ZNF536: variants seen among roughly 807,000 people sequenced by gnomAD.
ZNF536 encodes the protein zinc finger protein 536.
In ZNF536, 13 loss-of-function variants were observed where a neutral mutation model predicts 84.5. That is an observed-to-expected ratio of 0.15 (90% CI 0.10 to 0.24). ZNF536 has a LOEUF of 0.24. ZNF536 is among the 10% of genes least tolerant of loss of function. The probability of loss-of-function intolerance (pLI) is 1.00; values close to 1 mark genes in which losing one functional copy is unlikely to be tolerated. For synonymous variants in ZNF536, 811 were observed against 742.5 expected, an observed-to-expected ratio of 1.09 and a Z score of -1.50; for missense variants, 1,536 against 1,747.5, an observed-to-expected ratio of 0.88 and a Z score of 2.16.
chr19:30,604,451 A>G (rs568799695), intron 1 of ZNF536, among the ~76,000 whole-genome samples: 89 of 152,308 alleles, frequency 5.8e-4, no homozygotes, highest in African/African-American at 2.1e-3. Context: ...TGTTTATAAT[A>G]TGTTTTCATT....
intron 2 of ZNF536, among the ~76,000 whole-genome samples, chr19:30,316,000 C>A (rs2046666168): frequency 6.6e-6 from 1 of 152,148 alleles, no homozygotes; most frequent in Non-Finnish European, 1.5e-5. Context: ...TGTGGTATGG[C>A]ATATTCATAT....
At chr19:30,522,798 T>A (rs1442463290) in intron 2 of ZNF536, among the ~76,000 whole-genome samples, 1 of 152,206 alleles carries the variant, frequency 6.6e-6, no homozygotes, top group African/African-American at 2.4e-5. Flanking sequence ...TCAATTATCT[T>A]AAGGATTTGT....
At chr19:30,538,288 C>T (rs2045175719) in intron 3 of ZNF536, among the ~76,000 whole-genome samples, 1 of 152,104 alleles carries the variant, frequency 6.6e-6, no homozygotes, top group Non-Finnish European at 1.5e-5. Context: ...GTTTTTAAAC[C>T]ATGGACCCAT....
At chr19:30,264,966 T>TGAGAGAGA (rs142750589) in intron 1 of ZNF536, among the ~76,000 whole-genome samples, 1,675 of 133,638 alleles carry the variant, frequency 0.013, 35 homozygotes, top group African/African-American at 0.035. Context: ...TGTGTGTGTG[T>TGAGAGAGA]GAGAGAGAGA....
intron 1 of ZNF536, among the ~76,000 whole-genome samples, chr19:30,681,838 C>T (rs1012005104): frequency 1.3e-5 from 2 of 152,152 alleles, no homozygotes; most frequent in East Asian, 1.9e-4. Flanking sequence ...ATCTCCGCCA[C>T]GCTGGAGAGA....
intron 1 of ZNF536, among the ~76,000 whole-genome samples, chr19:30,376,772 C>T (rs1452761623): frequency 6.6e-6 from 1 of 152,224 alleles, no homozygotes; most frequent in Non-Finnish European, 1.5e-5. Flanking sequence ...CATTCAGTCA[C>T]TCACATTGTC....
intron 2 of ZNF536, among the ~76,000 whole-genome samples, chr19:30,301,894 C>CA (rs2046197885): frequency 6.6e-6 from 1 of 151,184 alleles, no homozygotes; most frequent in Non-Finnish European, 1.5e-5. Flanking sequence ...AGGTCCCTGC[C>CA]AGGTGCCGAT....
chr19:30,226,848 C>G (rs2022642216), upstream of ZNF536, among the ~76,000 whole-genome samples: 1 of 151,890 alleles, frequency 6.6e-6, no homozygotes, highest in South Asian at 2.1e-4. This position sits in a 1 kb window ranked among gnomAD's most constrained non-coding sequence, Gnocchi z 4.6. Flanking sequence ...GGACGCCTCC[C>G]GTCCCCCCAG....
At chr19:30,547,911 C>T (rs2146171466) in intron 3 of ZNF536, 32 bp from the exon 4 acceptor site, 1 of 1,511,938 alleles carries the variant, frequency 6.6e-7, no homozygotes, top group Non-Finnish European at 8.8e-7. Flanking sequence ...GAGATAAACG[C>T]CTCTTTTTTT....
intron 1 of ZNF536, among the ~76,000 whole-genome samples, chr19:30,654,089 A>G (rs1568639907): frequency 6.6e-6 from 1 of 152,154 alleles, no homozygotes. Context: ...AAAGGTCTTG[A>G]GATCCTCCCC....
intron 1 of ZNF536, among the ~76,000 whole-genome samples, chr19:30,696,714 G>A (rs1420574254): frequency 6.6e-6 from 1 of 152,190 alleles, no homozygotes. Context: ...CTAGAGGCCA[G>A]GCCCCAGGAA....
At chr19:30,335,093 C>T (rs553534960) in intron 2 of ZNF536, among the ~76,000 whole-genome samples, 4 of 152,224 alleles carry the variant, frequency 2.6e-5, no homozygotes, top group East Asian at 3.9e-4. Context: ...CTGGGGCTGG[C>T]GGAACAGGGA....
intron 2 of ZNF536, among the ~76,000 whole-genome samples, chr19:30,327,160 T>C (rs1419960817): frequency 6.6e-6 from 1 of 152,146 alleles, no homozygotes; most frequent in Non-Finnish European, 1.5e-5. Flanking sequence ...TAAAAAGCCT[T>C]TTTTCCCCCT....
At position 30,601,460 on chromosome 19, in the gene ZNF536, TG is replaced by T. The variant is rs766922445; in HGVS notation, c.169+51947del. 2.2e-3 allele frequency among the ~76,000 whole-genome samples: 335 copies of T among 152,302 alleles called. 3 individuals carry two copies. Among genetic ancestry groups the T allele is most frequent in the Non-Finnish European group, 1.4e-3 (93 of 68,018 alleles). ...ACAGCCCCTGATGGGGGAGCCTGTC[TG>T]AGGTCTCTGGGCTACGCTAGGAGGG... is the stretch of plus-strand genomic sequence containing the variant. On this transcript the variant is annotated intron_variant, in intron 1 of 1. Coordinates refer to the ZNF536 transcript ENST00000592773.
At chr19:30,311,118 G>T (rs1034251471) in intron 2 of ZNF536, among the ~76,000 whole-genome samples, 1 of 152,166 alleles carries the variant, frequency 6.6e-6, no homozygotes, top group Non-Finnish European at 1.5e-5. Context: ...CACTGGCGCT[G>T]CTCATGCCTC....
chr19:30,666,462 G>T (rs1321233737), intron 1 of ZNF536, among the ~76,000 whole-genome samples: 1 of 151,862 alleles, frequency 6.6e-6, no homozygotes, highest in African/African-American at 2.4e-5. Flanking sequence ...TGGGGATCCC[G>T]GCAGGCACTG....
At chr19:30,327,252 A>G (rs191368039) in intron 2 of ZNF536, among the ~76,000 whole-genome samples, 31 of 152,282 alleles carry the variant, frequency 2.0e-4, no homozygotes, top group African/African-American at 7.2e-4. Context: ...AGGAGTGCAT[A>G]TTTCCTCGGG....
chr19:30,351,052 G>C (rs1033571309), intron 2 of ZNF536, among the ~76,000 whole-genome samples: 1 of 152,130 alleles, frequency 6.6e-6, no homozygotes, highest in African/African-American at 2.4e-5. Context: ...AAATAAAGAC[G>C]GGGAATAAAA....
chr19:30,697,978 A>G (rs895342848), intron 1 of ZNF536, among the ~76,000 whole-genome samples: 2 of 152,232 alleles, frequency 1.3e-5, no homozygotes, highest in Admixed American at 1.3e-4. Context: ...TAATTTTAGT[A>G]TGGATTTAGA....
Sources: gnomAD v4.1 joint callset for allele counts (sites outside exome capture counted in the v4.1 genomes callset) on GRCh38, gnomAD v4.1.1 for gene constraint, Gnocchi (gnomAD v3.1) non-coding constraint, MANE v1.5 for transcripts, NCBI Gene and HGNC (gene_info 2026-07-23, HGNC 2026-07-21) for gene names.